The following MACC1 variants were observed in gnomAD, a reference collection of about 807,000 sequenced individuals.
MACC1 encodes the protein MET transcriptional regulator MACC1, also known as metastasis-associated in colon cancer protein 1.
MACC1 carries 79 observed loss-of-function variants against 70.7 expected under a neutral mutation model. The observed-to-expected ratio is 1.12, with a 90% confidence interval of 0.93 to 1.35. The LOEUF (loss-of-function observed/expected upper bound fraction) is 1.35, where lower values mean the gene tolerates loss of function less well. MACC1 is among the 40% of genes most tolerant of loss of function. The probability of loss-of-function intolerance (pLI) is 0.00; values close to 1 mark genes in which losing one functional copy is unlikely to be tolerated. For missense variants in MACC1, 1,106 were observed against 978.1 expected, an observed-to-expected ratio of 1.13 and a Z score of -1.74; for synonymous variants, 361 against 347.2, an observed-to-expected ratio of 1.04 and a Z score of -0.44.
Position 20,154,396 on chromosome 7 carries a change from A to AT in MACC1, c.2158-16_2158-15insA, listed in dbSNP as rs1364611101. Reference sequence around the variant, plus strand: ...TTCAGAAGAGCCTGCAGCAACAATTACATGTCACAATTAAAAGCAACTAAC... The same window carrying AT: ...TTCAGAAGAGCCTGCAGCAACAATTATCATGTCACAATTAAAAGCAACTAAC... On this transcript the variant is annotated splice_polypyrimidine_tract_variant and intron_variant, in intron 5 of 6. Coordinates refer to ENST00000400331, the MANE Select transcript of MACC1 (RefSeq NM_182762.4). 1 of 1,606,680 alleles carries AT rather than the reference A, an allele frequency of 6.2e-7. No homozygotes were observed. The highest frequency in any genetic ancestry group is 2.2e-5 in the East Asian group (1 of 44,726).
intron 1 of MACC1, among the ~76,000 whole-genome samples, chr7:20,179,494 C>A (rs1262011854): frequency 6.6e-6 from 1 of 152,100 alleles, no homozygotes. Context: ...CTCCATTGGG[C>A]TTCTTAGGTC....
intron 2 of MACC1, among the ~76,000 whole-genome samples, chr7:20,166,664 G>A (rs1782224715): frequency 6.6e-6 from 1 of 152,198 alleles, no homozygotes; most frequent in Non-Finnish European, 1.5e-5. Context: ...CTCCAGGGAA[G>A]GGAGCAGGCC....
At chr7:20,180,314 G>A (rs1259117324) in intron 1 of MACC1, among the ~76,000 whole-genome samples, 16 of 151,670 alleles carry the variant, frequency 1.1e-4, no homozygotes, top group African/African-American at 3.1e-4. Flanking sequence ...GTGGTGGCAC[G>A]TGCCCGTAGT....
In MACC1 at chr7:20,159,758, G is replaced by A; in HGVS notation, c.603C>T (p.Ser201=). 6.2e-7 allele frequency: 1 copy of A among 1,614,090 alleles called. No homozygotes were observed. The highest frequency in any genetic ancestry group is 8.5e-7 in the Non-Finnish European group (1 of 1,180,020). The change falls in exon 5 of 7, where the codon AGC becomes AGT. Residue 201 remains serine, a synonymous_variant. Coordinates refer to ENST00000400331, the MANE Select transcript of MACC1 (RefSeq NM_182762.4). ...SCLDLNTISQ[S]PGWAQTQLAE... is the part of the protein sequence containing the mutation. ...CAAGTTGTGTCTGGGCCCATCCAGG[G>A]CTCTGACTAATTGTATTCAAATCAA...
intron 1 of MACC1, among the ~76,000 whole-genome samples, chr7:20,206,549 G>C (rs930928994): frequency 1.3e-5 from 2 of 152,208 alleles, no homozygotes; most frequent in Non-Finnish European, 2.9e-5. Context: ...TTACATCAGA[G>C]AGCAGCACCC....
chr7:20,172,752 C>G (rs1782327845), intron 1 of MACC1, among the ~76,000 whole-genome samples: 1 of 152,178 alleles, frequency 6.6e-6, no homozygotes, highest in Non-Finnish European at 1.5e-5. Context: ...GTGAACCTCT[C>G]CAAGAAGGAG....
intron 1 of MACC1, among the ~76,000 whole-genome samples, chr7:20,203,715 C>A (rs537258399): frequency 6.6e-6 from 1 of 152,096 alleles, no homozygotes; most frequent in Admixed American, 6.5e-5. Flanking sequence ...TGGAAGTCAG[C>A]GAGGAGCTCA....
At position 20,206,814 on chromosome 7, in the gene MACC1, A is replaced by T. The variant is rs538055062; in HGVS notation, c.-218+10485T>A. Among the ~76,000 whole-genome samples, 10 of 152,362 alleles carry T rather than the reference A, an allele frequency of 6.6e-5. No individual in the cohort carries two copies. The South Asian group carries it at 2.1e-3, about 32-fold the overall frequency. On this transcript the variant is annotated intron_variant, in intron 1 of 6. Coordinates refer to ENST00000400331, the MANE Select transcript of MACC1 (RefSeq NM_182762.4). ...TGTTTCTCTTGTCTTTCATGTTGAAAGGAATGAGGACATCCCCATCCACCC... is the reference window on the plus strand; with the variant it reads ...TGTTTCTCTTGTCTTTCATGTTGAATGGAATGAGGACATCCCCATCCACCC...
chr7:20,156,155 G>A (rs181339784), intron 5 of MACC1, among the ~76,000 whole-genome samples: 10 of 152,198 alleles, frequency 6.6e-5, no homozygotes, highest in Admixed American at 2.0e-4. Flanking sequence ...TTATCGGGTC[G>A]CTCCCTGCCA....
intron 1 of MACC1, among the ~76,000 whole-genome samples, chr7:20,193,558 G>A (rs1225900911): frequency 6.6e-6 from 1 of 152,140 alleles, no homozygotes; most frequent in African/African-American, 2.4e-5. Context: ...ATAGACAATG[G>A]TAAGTGATGC....
intron 6 of MACC1, among the ~76,000 whole-genome samples, chr7:20,143,109 G>C (rs551584987): frequency 1.3e-5 from 2 of 152,184 alleles, no homozygotes; most frequent in African/African-American, 4.8e-5. Flanking sequence ...ACAGTCAAAA[G>C]CAGCCAATAT....
At chr7:20,174,179 T>C (rs1308931606) in intron 1 of MACC1, among the ~76,000 whole-genome samples, 2 of 152,176 alleles carry the variant, frequency 1.3e-5, no homozygotes, top group African/African-American at 4.8e-5. Context: ...ATTATTAAAA[T>C]TAAATGATAA....
chr7:20,147,429 A>G (rs1781909322), intron 6 of MACC1: 4 of 152,246 alleles, frequency 2.6e-5, no homozygotes, highest in Admixed American at 2.6e-4. Flanking sequence ...ACTTACAGGA[A>G]CAACACTTCA....
At chr7:20,146,235 T>C (rs992621223) in intron 6 of MACC1, among the ~76,000 whole-genome samples, 3 of 151,810 alleles carry the variant, frequency 2.0e-5, no homozygotes, top group African/African-American at 7.3e-5. Flanking sequence ...ATACAGTAAA[T>C]AGGCTAATCA....
At position 20,140,952 on chromosome 7, in the gene MACC1, T is replaced by G; in HGVS notation, c.2553A>C (p.Glu851Asp). The G allele has an allele frequency of 6.2e-7, 1 of 1,610,770 alleles. No individual in the cohort carries two copies. The highest frequency in any genetic ancestry group is 8.5e-7 in the Non-Finnish European group (1 of 1,177,822). The change falls in exon 7 of 7, where the codon GAA (glutamate) becomes GAC (aspartate). Residue 851 changes from glutamate to aspartate, a missense_variant. By Grantham distance (45) the Glu-to-Asp change is conservative. Coordinates refer to ENST00000400331, the MANE Select transcript of MACC1 (RefSeq NM_182762.4). ...AAAAACACACGCTTTGTTTCTATACTTCCTCAGAAGTGGAGAATGCAGTTA... is the reference window on the plus strand; with the variant it reads ...AAAAACACACGCTTTGTTTCTATACGTCCTCAGAAGTGGAGAATGCAGTTA... ...LRVTAFSTSE[E>D]V
At chr7:20,211,486 G>GT (rs748759283) in intron 1 of MACC1, among the ~76,000 whole-genome samples, 2 of 152,122 alleles carry the variant, frequency 1.3e-5, no homozygotes, top group Non-Finnish European at 2.9e-5. Flanking sequence ...AAACGGAGAG[G>GT]TTGATTTCAG....
intron 1 of MACC1, among the ~76,000 whole-genome samples, chr7:20,216,064 G>T (rs1284965926): frequency 6.6e-6 from 1 of 152,100 alleles, no homozygotes; most frequent in Non-Finnish European, 1.5e-5. Flanking sequence ...AGATAATCAT[G>T]TAATTAAGTT....
At chr7:20,151,827 A>T (rs942796017) in intron 6 of MACC1, among the ~76,000 whole-genome samples, 2 of 152,162 alleles carry the variant, frequency 1.3e-5, no homozygotes, top group African/African-American at 4.8e-5. Context: ...AAGTTGCTTA[A>T]CCCTGGCCGC....
intron 1 of MACC1, among the ~76,000 whole-genome samples, chr7:20,185,450 T>A (rs1225258136): frequency 6.6e-6 from 1 of 150,474 alleles, no homozygotes; most frequent in Non-Finnish European, 1.5e-5. Context: ...ACGCCCAAGC[T>A]AAAAATGAGA....
Sources: gnomAD v4.1 joint callset for allele counts (sites outside exome capture counted in the v4.1 genomes callset) on GRCh38, gnomAD v4.1.1 for gene constraint, MANE v1.5 for transcripts, NCBI Gene and HGNC (gene_info 2026-07-23, HGNC 2026-07-21) for gene names.